Variants in PPP4R1 observed in about 807,000 individuals in gnomAD.
PPP4R1 encodes serine/threonine-protein phosphatase 4 regulatory subunit 1.
Under a neutral mutation model 111.2 loss-of-function variants are expected in PPP4R1, and 42 were observed. The ratio of observed to expected loss-of-function variants is 0.38; its 90% confidence interval spans 0.29 to 0.49. The LOEUF is 0.49. Among genes scored for constraint, PPP4R1 ranks in the 20% least tolerant of loss-of-function variants. The pLI is 0.97. For missense variants in PPP4R1, 1,012 were observed against 1,161.6 expected, an observed-to-expected ratio of 0.87 and a Z score of 1.87; for synonymous variants, 409 against 405.5, an observed-to-expected ratio of 1.01 and a Z score of -0.10.
chr18:9,565,884 A>C (rs773019475), intron 11 of PPP4R1, among the ~76,000 whole-genome samples: 2 of 152,228 alleles, frequency 1.3e-5, no homozygotes, highest in African/African-American at 2.4e-5. Flanking sequence ...AAGATTACTT[A>C]AGCCACTAAG....
intron 7 of PPP4R1, 65 bp downstream of exon 7, chr18:9,584,656 G>T: frequency 6.3e-7 from 1 of 1,599,918 alleles, no homozygotes; most frequent in South Asian, 1.1e-5. Flanking sequence ...TAAATATCAT[G>T]TATCAGTACA....
chr18:9,560,556 T>C (rs945524454), intron 13 of PPP4R1, among the ~76,000 whole-genome samples: 1 of 152,042 alleles, frequency 6.6e-6, no homozygotes, highest in African/African-American at 2.4e-5. Flanking sequence ...TTGAGCTACA[T>C]AAACGAATTA....
At chr18:9,592,675 A>C (rs2067232093) in intron 4 of PPP4R1, among the ~76,000 whole-genome samples, 1 of 100,810 alleles carries the variant, frequency 9.9e-6, no homozygotes, top group South Asian at 2.9e-4. Context: ...ACACACTTAC[A>C]AAAAAAAAAA....
intron 15 of PPP4R1, among the ~76,000 whole-genome samples, chr18:9,554,972 A>G (rs2066547970): frequency 6.6e-6 from 1 of 152,218 alleles, no homozygotes; most frequent in Non-Finnish European, 1.5e-5. Context: ...GAGAGAAGGC[A>G]CAGGTTATTT....
intron 11 of PPP4R1, among the ~76,000 whole-genome samples, chr18:9,568,158 G>A (rs974953237): frequency 6.6e-6 from 1 of 152,144 alleles, no homozygotes; most frequent in African/African-American, 2.4e-5. Context: ...AGAGTGGCTG[G>A]GACTACAGGA....
chr18:9,579,914 C>A (rs892373450), intron 9 of PPP4R1, among the ~76,000 whole-genome samples: 9 of 152,034 alleles, frequency 5.9e-5, no homozygotes, highest in African/African-American at 2.2e-4. Context: ...TCCATGGATA[C>A]CAAGGAACAG....
At chr18:9,615,195 G>C (rs1246360913), upstream of PPP4R1, 2 of 152,270 alleles carry the variant, frequency 1.3e-5, no homozygotes, top group African/African-American at 4.8e-5. Context: ...TGCCTAGCCA[G>C]CTTCCTCGTG....
At chr18:9,566,277 A>G (rs915772308) in intron 11 of PPP4R1, among the ~76,000 whole-genome samples, 6 of 152,062 alleles carry the variant, frequency 3.9e-5, no homozygotes, top group Non-Finnish European at 8.8e-5. Flanking sequence ...TTTCCTAGCT[A>G]AAGAGAAGTC....
chr18:9,605,224 T>C lies in PPP4R1; in HGVS notation c.52+9002A>G, dbSNP rs188719545. 5.5e-4 allele frequency among the ~76,000 whole-genome samples: 84 copies of C among 152,200 alleles called. 1 individual carries two copies. The highest frequency in any genetic ancestry group is 5.5e-3 in the Admixed American group (84 of 15,280). Reference sequence around the variant, plus strand: ...ACAGAATGAGTTACCTTATAAAGATTTGGGGCTTTAAAATTATATTTTAAC... The same window carrying C: ...ACAGAATGAGTTACCTTATAAAGATCTGGGGCTTTAAAATTATATTTTAAC... On this transcript the variant is annotated intron_variant, in intron 2 of 19. Coordinates refer to ENST00000400556, the MANE Select transcript of PPP4R1 (RefSeq NM_001042388.3).
At chr18:9,610,867 TACACACAC>T (rs60173784) in intron 2 of PPP4R1, among the ~76,000 whole-genome samples, 29 of 149,786 alleles carry the variant, frequency 1.9e-4, no homozygotes, top group African/African-American at 2.5e-4. Context: ...AAATTATGTG[TACACACAC>T]ACACACACAC....
In PPP4R1 at chr18:9,568,943, A is replaced by G. The variant is rs145627599; in HGVS notation, c.1573+1214T>C. ...CCAGCTACTTGAGAGGTTGAGGCCA[A>G]AGAATCGCTTGAACCCAGGAGGCAG... On this transcript the variant is annotated intron_variant, in intron 11 of 19. Coordinates refer to ENST00000400556, the MANE Select transcript of PPP4R1 (RefSeq NM_001042388.3). Among the ~76,000 whole-genome samples, 80 of 152,142 alleles carry G rather than the reference A, an allele frequency of 5.3e-4. No homozygotes were observed. In the East Asian group the frequency reaches 0.015, roughly 28 times the overall value.
At chr18:9,592,335 G>T (rs931583346) in intron 4 of PPP4R1, among the ~76,000 whole-genome samples, 2 of 152,132 alleles carry the variant, frequency 1.3e-5, no homozygotes, top group Non-Finnish European at 2.9e-5. Flanking sequence ...CCACCATCTT[G>T]AACTCCTTTC....
chr18:9,567,926 CTCAGATGATCA>C (rs2066795451), intron 11 of PPP4R1, among the ~76,000 whole-genome samples: 1 of 152,224 alleles, frequency 6.6e-6, no homozygotes, highest in African/African-American at 2.4e-5. Context: ...TTGTGTAAAG[CTCAGATGATCA>C]TCAGCATTTT....
At chr18:9,553,469 T>A in intron 15 of PPP4R1, 47 bp from the exon 16 acceptor site, 1 of 1,318,836 alleles carries the variant, frequency 7.6e-7, no homozygotes, top group South Asian at 1.2e-5. Flanking sequence ...GTACAGACAG[T>A]ATTTCTTTTA....
Position 9,557,402 on chromosome 18 carries a change from T to C in PPP4R1, c.2029-20A>G. On this transcript the variant is annotated intron_variant, in intron 14 of 19. Coordinates refer to ENST00000400556, the MANE Select transcript of PPP4R1 (RefSeq NM_001042388.3). ...TTTCCACTGCAGAAATGAAAACACA[T>C]TAGTAAGCTAACCACAAAGTACGCA... The C allele has an allele frequency of 6.3e-7, 1 of 1,579,412 alleles. No homozygotes were observed. The highest frequency in any genetic ancestry group is 8.6e-7 in the Non-Finnish European group (1 of 1,166,926).
At chr18:9,550,731 T>C in intron 16 of PPP4R1, 1 of 207,230 alleles carries the variant, frequency 4.8e-6, no homozygotes, top group Non-Finnish European at 9.7e-6. Flanking sequence ...GTTTGGAATG[T>C]GCTGAGAAGC....
intron 2 of PPP4R1, among the ~76,000 whole-genome samples, chr18:9,602,600 C>CT (rs1309442640): frequency 2.6e-5 from 4 of 151,096 alleles, no homozygotes; most frequent in Non-Finnish European, 5.9e-5. Flanking sequence ...TGACTCACAC[C>CT]TTTAATCCCA....
chr18:9,607,413 T>C (rs538503068), intron 2 of PPP4R1, among the ~76,000 whole-genome samples: 2 of 148,302 alleles, frequency 1.3e-5, no homozygotes, highest in African/African-American at 5.0e-5. Flanking sequence ...CAAAACCGAG[T>C]AGTAGAGACA....
rs944772864 is a variant in PPP4R1 at position 9,588,582 on chromosome 18, T to G, written c.438+129A>C. The G allele has an allele frequency of 3.6e-5, 38 of 1,047,558 alleles. No homozygotes were observed. In the South Asian group the frequency reaches 5.0e-4, roughly 14 times the overall value. The allele number at this position is 1,047,558 out of a possible 1,614,324, so 64.9% of individuals were successfully genotyped here. A position where few individuals can be genotyped will look rare whatever the true frequency, so the allele number is the denominator to read the frequency against. On this transcript the variant is annotated intron_variant, in intron 5 of 19. Transcript: ENST00000400556. ...CTAGATTTGTCAGACTCTAAACACA[T>G]CTTGTCTAAGATAAATATTCATTTT...
Sources: allele counts gnomAD v4.1 joint callset (sites outside exome capture counted in the v4.1 genomes callset), GRCh38; gene constraint gnomAD v4.1.1; transcripts MANE v1.5; gene names NCBI Gene and HGNC (gene_info 2026-07-23, HGNC 2026-07-21).